Variants in HECA observed in about 807,000 individuals in gnomAD.
The protein encoded by HECA is headcase protein homolog.
Under a neutral mutation model 37.6 loss-of-function variants are expected in HECA, and 13 were observed. The observed-to-expected ratio is 0.35, with a 90% confidence interval of 0.23 to 0.55. The LOEUF (loss-of-function observed/expected upper bound fraction) is 0.55. HECA is among the 20% of genes least tolerant of loss of function. HECA has a pLI of 0.90. For synonymous variants in HECA, 307 were observed against 291.5 expected (o/e 1.05, Z -0.54); for missense variants, 527 against 701.9 (o/e 0.75, Z 2.82).
chr6:139,160,694 G>A (rs1040137607), intron 1 of HECA, among the ~76,000 whole-genome samples: 1 of 152,170 alleles, frequency 6.6e-6, no homozygotes, highest in Non-Finnish European at 1.5e-5. Flanking sequence ...AATTACAGGC[G>A]TGAGCCACTG....
intron 2 of HECA, among the ~76,000 whole-genome samples, chr6:139,173,449 T>C (rs1775004531): frequency 6.6e-6 from 1 of 152,188 alleles, no homozygotes; most frequent in Admixed American, 6.5e-5. Context: ...TACCTTTCCA[T>C]CGGGTAAGGA....
At chr6:139,162,947 C>T (rs1774827105) in intron 1 of HECA, among the ~76,000 whole-genome samples, 1 of 152,182 alleles carries the variant, frequency 6.6e-6, no homozygotes, top group Non-Finnish European at 1.5e-5. Context: ...TGCTCTTTCC[C>T]TGCCCTACAG....
At chr6:139,144,301 T>C (rs1774552991) in intron 1 of HECA, 1 of 152,222 alleles carries the variant, frequency 6.6e-6, no homozygotes, top group East Asian at 1.9e-4. Flanking sequence ...CATCAAGGGC[T>C]CACTGTGAAG....
chr6:139,145,407 CAAG>C (rs1479537443), intron 1 of HECA, among the ~76,000 whole-genome samples: 1 of 151,946 alleles, frequency 6.6e-6, no homozygotes. Flanking sequence ...GAGTGAGAAA[CAAG>C]AAAGATACTA....
chr6:139,176,924 G>A lies in HECA; in HGVS notation c.1468-17G>A. The A allele has an allele frequency of 1.2e-6, 1 of 862,152 alleles. No individual in the cohort carries two copies. The highest frequency in any genetic ancestry group is 2.0e-6 in the Non-Finnish European group (1 of 493,200). 53.4% of individuals were successfully genotyped at this position (862,152 alleles called of 1,614,324 possible). ...AAGTGGAGGGGTGTTGTGGCTGATG[G>A]TGTCTGTTTCCCCCAGGCCCGCCTG... is the stretch of plus-strand genomic sequence containing the variant. On this transcript the variant is annotated splice_polypyrimidine_tract_variant and intron_variant, in intron 3 of 3. Coordinates refer to ENST00000367658, the MANE Select transcript of HECA (RefSeq NM_016217.3). The surrounding 1 kb of genome is among the most constrained non-coding windows in gnomAD (Gnocchi z 4.5).
At chr6:139,153,141 G>A (rs1484793268) in intron 1 of HECA, 1 of 152,144 alleles carries the variant, frequency 6.6e-6, no homozygotes, top group Non-Finnish European at 1.5e-5. Context: ...AGTTTCTGAG[G>A]TTTCTGAATG....
Position 139,166,537 on chromosome 6 carries a change from C to A in HECA, c.525C>A (p.Phe175Leu). ...TKKGYDLAFR[F>L]CSCRCGQGHL... ...AGGGCTACGACCTGGCCTTCCGCTT[C>A]TGCTCTTGCCGCTGTGGCCAGGGCC... is the stretch of plus-strand genomic sequence containing the variant. The change falls in exon 2 of 4, where the codon TTC becomes TTA. Residue 175 changes from phenylalanine to leucine, a missense_variant. Physicochemically the swap from Phe to Leu is conservative, Grantham distance 22. Coordinates refer to ENST00000367658, the MANE Select transcript of HECA (RefSeq NM_016217.3). 6.2e-7 allele frequency: 1 copy of A among 1,614,274 alleles called. No individual in the cohort carries two copies. Among genetic ancestry groups the A allele is most frequent in the Non-Finnish European group, 8.5e-7 (1 of 1,180,048 alleles).
chr6:139,170,144 T>C (rs1347652762), intron 2 of HECA: 1 of 152,220 alleles, frequency 6.6e-6, no homozygotes, highest in Admixed American at 6.5e-5. Flanking sequence ...AACACCTTTA[T>C]TTCTCCATTG....
At chr6:139,137,192 TTGA>T (rs1211268449) in intron 1 of HECA, among the ~76,000 whole-genome samples, 1 of 152,172 alleles carries the variant, frequency 6.6e-6, no homozygotes, top group Non-Finnish European at 1.5e-5. Flanking sequence ...CATTTTGGTA[TTGA>T]TGTGGCAGAG....
intron 1 of HECA, among the ~76,000 whole-genome samples, chr6:139,136,282 A>AAAAG (rs1554216537): frequency 5.1e-4 from 77 of 151,664 alleles, no homozygotes; most frequent in African/African-American, 1.8e-3. Context: ...AAAAAAAAAA[A>AAAAG]AAAAGAAAAG....
chr6:139,159,928 C>T (rs532106011), intron 1 of HECA, among the ~76,000 whole-genome samples: 10 of 152,024 alleles, frequency 6.6e-5, no homozygotes, highest in East Asian at 3.9e-4. Context: ...TAGCAATGTC[C>T]GGTTTATGGG....
chr6:139,176,692 T>A lies in HECA; in HGVS notation c.1468-249T>A, dbSNP rs1490945287. ...AGGGGTTTCTTATTGTTAGGGAACT[T>A]CAGTGGAGAGCATTTAGGCAGTAGT... On this transcript the variant is annotated intron_variant, in intron 3 of 3. Transcript: ENST00000367658. This position sits in a 1 kb window ranked among gnomAD's most constrained non-coding sequence, Gnocchi z 4.5. 2.0e-5 allele frequency among the ~76,000 whole-genome samples: 3 copies of A among 152,168 alleles called. No individual in the cohort carries two copies. The highest frequency in any genetic ancestry group is 4.4e-5 in the Non-Finnish European group (3 of 68,034).
In HECA at chr6:139,167,313, G is replaced by T; in HGVS notation, c.1301G>T (p.Cys434Phe). Residue 434 changes from cysteine to phenylalanine, a missense_variant, in exon 2 of 4, where the codon TGT becomes TTT. Cys to Phe is a radical substitution (Grantham distance 205, BLOSUM62 -2). Coordinates refer to ENST00000367658, the MANE Select transcript of HECA (RefSeq NM_016217.3). Reference protein sequence around the residue: ...RHDEIEYDVPCHLQGRLMHLY... With the variant: ...RHDEIEYDVPFHLQGRLMHLY... ...GATGAGATCGAATATGATGTTCCTT[G>T]TCACCTTCAAGGTATAGGTGTTAAT... 6.3e-7 allele frequency: 1 copy of T among 1,592,390 alleles called. No homozygotes were observed. Among genetic ancestry groups the T allele is most frequent in the Middle Eastern group, 1.7e-4 (1 of 5,984 alleles).
intron 1 of HECA, among the ~76,000 whole-genome samples, chr6:139,162,137 C>T (rs1213066085): frequency 6.6e-6 from 1 of 152,114 alleles, no homozygotes; most frequent in African/African-American, 2.4e-5. Context: ...GGCTTCCTCT[C>T]CTGAGTCGTC....
intron 1 of HECA, among the ~76,000 whole-genome samples, chr6:139,145,939 C>T (rs988188244): frequency 6.6e-6 from 1 of 152,096 alleles, no homozygotes; most frequent in African/African-American, 2.4e-5. Flanking sequence ...TTGAGAGCCT[C>T]TGCTTTTAGG....
Position 139,178,329 on chromosome 6 carries a change from A to C in HECA, c.*1224A>C, listed in dbSNP as rs1383231292. 1 of 152,184 alleles carries C rather than the reference A, an allele frequency of 6.6e-6. No homozygotes were observed. The highest frequency in any genetic ancestry group is 1.5e-5 in the Non-Finnish European group (1 of 68,026). The allele number at this position is 152,184 out of a possible 1,614,324, so 9.4% of individuals were successfully genotyped here. On this transcript the variant is annotated 3_prime_UTR_variant, in exon 4 of 4. Transcript: ENST00000367658. ...GGTTCAGTAGATTTTAATGCTTTAA[A>C]TAGACTGACGTCGCATACCCTTATA...
chr6:139,160,293 T>C (rs1375197019), intron 1 of HECA, among the ~76,000 whole-genome samples: 3 of 152,208 alleles, frequency 2.0e-5, no homozygotes, highest in African/African-American at 7.2e-5. Context: ...CATTTTTCTG[T>C]TTTGCTTGTT....
Position 139,167,075 on chromosome 6 carries a change from C to A in HECA, c.1063C>A (p.His355Asn), listed in dbSNP as rs1413673756. The A allele has an allele frequency of 2.5e-6, 4 of 1,614,236 alleles. No individual in the cohort carries two copies. Among genetic ancestry groups the A allele is most frequent in the Non-Finnish European group, 3.4e-6 (4 of 1,180,046 alleles). ...GCTGGACCTCTCCGAACTCCTCACT[C>A]ACATCCCCAGGCATAAGCTGAACAC... ...RRLDLSELLT[H>N]IPRHKLNTFH... Residue 355 changes from histidine (H) to asparagine (N), a missense_variant, in exon 2 of 4, where the codon CAC (histidine) becomes AAC (asparagine). By Grantham distance (68) the His-to-Asn change is moderately conservative (BLOSUM62 1). Around this residue, in one of 4 missense-constraint regions of HECA, gnomAD observed 228 missense variants for 259.8 expected, o/e 0.88. Coordinates refer to ENST00000367658, the MANE Select transcript of HECA (RefSeq NM_016217.3).
intron 1 of HECA, among the ~76,000 whole-genome samples, chr6:139,143,869 AAAAAAAAAAG>A (rs1774547589): frequency 6.6e-6 from 1 of 151,880 alleles, no homozygotes; most frequent in Admixed American, 6.6e-5. Context: ...CAAAAAAAAA[AAAAAAAAAAG>A]AAAGAAAGAA....
Sources: allele counts gnomAD v4.1 joint callset (sites outside exome capture counted in the v4.1 genomes callset), GRCh38; gene constraint gnomAD v4.1.1; regional missense constraint gnomAD v4.1.1; non-coding constraint Gnocchi (gnomAD v3.1); transcripts MANE v1.5; gene names NCBI Gene and HGNC (gene_info 2026-07-23, HGNC 2026-07-21).